The following VPS53 variants were observed in gnomAD, a reference collection of about 807,000 sequenced individuals.
VPS53 encodes VPS53 subunit of GARP complex, also known as vacuolar protein sorting-associated protein 53 homolog.
A neutral mutation model predicts 107.0 loss-of-function variants in VPS53; 70 were observed. The ratio of observed to expected loss-of-function variants is 0.65; its 90% CI spans 0.54 to 0.80. The LOEUF (loss-of-function observed/expected upper bound fraction) is 0.80, where lower values mean the gene tolerates loss of function less well. Ranked by LOEUF, VPS53 falls within the 30% of genes least tolerant of loss-of-function variation. The probability of loss-of-function intolerance (pLI) is 0.00; values close to 1 mark genes in which losing one functional copy is unlikely to be tolerated. For synonymous variants in VPS53, 409 were observed against 393.3 expected, an observed-to-expected ratio of 1.04 and a Z score of -0.47; for missense variants, 917 against 1,049.4, an observed-to-expected ratio of 0.87 and a Z score of 1.74.
rs1422987277 is a variant in VPS53 at position 537,116 on chromosome 17, G to C, written c.1927C>G (p.Leu643Val). ...DQSPYVTSVI[L>V]HIKQNVPIIR... ...ATGGGGACGTTCTGCTTGATGTGCA[G>C]AATGACAGAGGTGACGTAGGGGCTC... Residue 643 changes from leucine to valine, a missense_variant, in exon 18 of 22, where the codon CTG becomes GTG. Leu to Val is a conservative substitution (Grantham distance 32). Coordinates refer to ENST00000437048, the MANE Select transcript of VPS53 (RefSeq NM_001128159.3). 6.2e-7 allele frequency: 1 copy of C among 1,614,198 alleles called. No homozygotes were observed. The highest frequency in any genetic ancestry group is 8.5e-7 in the Non-Finnish European group (1 of 1,180,052).
intron 4 of VPS53, among the ~76,000 whole-genome samples, chr17:665,055 T>C (rs1244672343): frequency 6.6e-6 from 1 of 152,124 alleles, no homozygotes; most frequent in East Asian, 1.9e-4. Context: ...AGTTCATGTG[T>C]TGGAAACATA....
chr17:599,764 TA>T (rs66891205), intron 12 of VPS53, among the ~76,000 whole-genome samples: 20,516 of 130,144 alleles, frequency 0.16, 1,783 homozygotes, highest in South Asian at 0.26. Context: ...ATAAATAAAT[TA>T]AAAAAAAAAA....
rs117806732 is a variant in VPS53 at position 650,017 on chromosome 17, A to G, written c.608+3274T>C. On this transcript the variant is annotated intron_variant, in intron 7 of 21. Transcript: ENST00000437048. ...TTTCAGAAAGCAGTTCAAAAGGACA[A>G]AGAGACAGAAAGCATGAAAGGAAAA... Among the ~76,000 whole-genome samples, 90 of 152,346 alleles carry G rather than the reference A, an allele frequency of 5.9e-4. 1 individual carries two copies. In the East Asian group the frequency reaches 0.014, roughly 24 times the overall value.
chr17:656,888 T>C, intron 5 of VPS53: 1 of 1,548,776 alleles, frequency 6.5e-7, no homozygotes, highest in Non-Finnish European at 8.9e-7. Context: ...AATCCATCGT[T>C]TGTTGCCCTT....
intron 5 of VPS53, among the ~76,000 whole-genome samples, chr17:658,255 T>TACATCCCACTGAAGTGAGAC (rs1567715525): frequency 8.8e-5 from 4 of 45,660 alleles, no homozygotes; most frequent in Non-Finnish European, 2.0e-4. Context: ...CGTGGATAGA[T>TACATCCCACTGAAGTGAGAC]AACATCCCAC....
At chr17:585,821 G>T (rs1038548569) in intron 13 of VPS53, among the ~76,000 whole-genome samples, 3 of 152,180 alleles carry the variant, frequency 2.0e-5, no homozygotes, top group African/African-American at 4.8e-5. Flanking sequence ...TATGTAAGAT[G>T]TTAACATTCT....
chr17:623,527 T>C lies in VPS53; in HGVS notation c.1116+6A>G. 1 of 1,611,032 alleles carries C rather than the reference T, an allele frequency of 6.2e-7. No homozygotes were observed. The highest frequency in any genetic ancestry group is 8.5e-7 in the Non-Finnish European group (1 of 1,177,736). On this transcript the variant is annotated splice_donor_region_variant and intron_variant, in intron 11 of 21. Transcript: ENST00000437048. ...TCACGTGGCAGCTCCCTAGGGAAGG[T>C]CTTACCAGGGTCCCATCGGTCAGGG... is the stretch of plus-strand genomic sequence containing the variant.
intron 11 of VPS53, among the ~76,000 whole-genome samples, chr17:612,107 TAC>T (rs1287328947): frequency 6.6e-6 from 1 of 151,358 alleles, no homozygotes; most frequent in Admixed American, 6.6e-5. Flanking sequence ...TGAAAACCTG[TAC>T]AGATACTCAC....
At chr17:547,470 G>A (rs1357284096) in intron 17 of VPS53, among the ~76,000 whole-genome samples, 1 of 152,140 alleles carries the variant, frequency 6.6e-6, no homozygotes, top group Admixed American at 6.6e-5. Flanking sequence ...AATGTCAGGA[G>A]GGGCAAATCT....
chr17:642,382 A>G (rs1970457427), intron 7 of VPS53, among the ~76,000 whole-genome samples: 1 of 151,554 alleles, frequency 6.6e-6, no homozygotes, highest in Non-Finnish European at 1.5e-5. Context: ...GAAAGCGAGG[A>G]AAACACTCAT....
In VPS53 at chr17:519,733, A is replaced by C; in HGVS notation, c.2328+93T>G. ...GGAGCCAGGCACATGCATTTTGAGA[A>C]AGCCCCCCCGGAACTTATATCCCAA... On this transcript the variant is annotated intron_variant, in intron 21 of 21. Coordinates refer to ENST00000437048, the MANE Select transcript of VPS53 (RefSeq NM_001128159.3). The surrounding 1 kb of genome is among the most constrained non-coding windows in gnomAD (Gnocchi z 5.0). 1 of 966,176 alleles carries C rather than the reference A, an allele frequency of 1.0e-6. No homozygotes were observed. The allele number at this position is 966,176 out of a possible 1,614,324, so 59.9% of individuals were successfully genotyped here. A position where few individuals can be genotyped will look rare whatever the true frequency, so the allele number is the denominator to read the frequency against.
At chr17:605,483 G>A (rs534943595) in intron 11 of VPS53, among the ~76,000 whole-genome samples, 6 of 151,106 alleles carry the variant, frequency 4.0e-5, no homozygotes, top group Non-Finnish European at 5.9e-5. Context: ...TGGGGTAAGA[G>A]GGGTGGCGGG....
intron 4 of VPS53, among the ~76,000 whole-genome samples, chr17:696,428 G>C (rs757507029): frequency 1.3e-5 from 2 of 152,144 alleles, no homozygotes; most frequent in Non-Finnish European, 2.9e-5. Context: ...GAAATTAGCT[G>C]TCCTAAAAAA....
At chr17:653,734 G>A (rs1285758068) in intron 6 of VPS53, among the ~76,000 whole-genome samples, 1 of 152,214 alleles carries the variant, frequency 6.6e-6, no homozygotes, top group Non-Finnish European at 1.5e-5. Flanking sequence ...CATTTGGTGT[G>A]GGGAGGGGAA....
intron 7 of VPS53, among the ~76,000 whole-genome samples, chr17:648,735 T>C (rs878962999): frequency 1.4e-5 from 2 of 142,812 alleles, no homozygotes; most frequent in East Asian, 4.3e-4. Context: ...GCACTGAAGA[T>C]CTTACACTAT....
intron 13 of VPS53, among the ~76,000 whole-genome samples, chr17:571,319 A>G (rs1002818890): frequency 5.9e-5 from 9 of 152,126 alleles, no homozygotes; most frequent in Non-Finnish European, 1.3e-4. Flanking sequence ...GAAAAAAGAA[A>G]AGGAAAATGC....
intron 11 of VPS53, chr17:616,152 C>T (rs1315177584): frequency 1.3e-5 from 2 of 152,160 alleles, no homozygotes; most frequent in Non-Finnish European, 2.9e-5. Context: ...TAAGGGAAAA[C>T]CCTTGAAGGA....
intron 17 of VPS53, chr17:539,218 G>A (rs996939207): frequency 6.6e-6 from 1 of 152,208 alleles, no homozygotes; most frequent in Non-Finnish European, 1.5e-5. Flanking sequence ...AGAAGGTGGC[G>A]ACGTGCTCTG....
In VPS53 at chr17:619,182, G is replaced by A. The variant is rs1393827713; in HGVS notation, c.1116+4351C>T. Among the ~76,000 whole-genome samples the A allele has an allele frequency of 6.8e-5, 7 of 103,416 alleles. No individual in the cohort carries two copies. The Admixed American group carries it at 7.6e-4, about 11-fold the overall frequency. 67.8% of individuals were successfully genotyped at this position (103,416 alleles called of 152,430 possible). On this transcript the variant is annotated intron_variant, in intron 11 of 21. Transcript: ENST00000437048. ...GGTAGCTGGGACTACAGGTGCCCAC[G>A]ACGCCTGCTAATATTTCCCGGGTAG...
Sources: allele counts gnomAD v4.1 joint callset (sites outside exome capture counted in the v4.1 genomes callset), GRCh38; gene constraint gnomAD v4.1.1; non-coding constraint Gnocchi (gnomAD v3.1); transcripts MANE v1.5; gene names NCBI Gene and HGNC (gene_info 2026-07-23, HGNC 2026-07-21).